MYOCD: variants seen among roughly 807,000 people sequenced by gnomAD.
The protein encoded by MYOCD is myocardin.
A neutral mutation model predicts 96.1 loss-of-function variants in MYOCD; 32 were observed. The ratio of observed to expected loss-of-function variants is 0.33; its 90% confidence interval spans 0.25 to 0.45. The LOEUF (loss-of-function observed/expected upper bound fraction) is 0.45, where lower values mean the gene tolerates loss of function less well. MYOCD is among the 20% of genes least tolerant of loss of function. MYOCD has a pLI of 1.00. For missense variants in MYOCD, 1,133 were observed against 1,200.6 expected (o/e 0.94, Z 0.83); for synonymous variants, 469 against 469.0 (o/e 1.00, Z 0.00).
At chr17:12,749,475 G>A (rs1464687420) in intron 9 of MYOCD, among the ~76,000 whole-genome samples, 1 of 151,490 alleles carries the variant, frequency 6.6e-6, no homozygotes, top group East Asian at 1.9e-4. Flanking sequence ...GTTGCAGTGA[G>A]CTGAGATCGC....
rs1286312247 is a variant in MYOCD at position 12,763,864 on chromosome 17, T to G, written c.*220T>G. 3 of 437,100 alleles carry G rather than the reference T, an allele frequency of 6.9e-6. No individual in the cohort carries two copies. Among genetic ancestry groups the G allele is most frequent in the East Asian group, 7.3e-5 (2 of 27,368 alleles). 27.1% of individuals were successfully genotyped at this position (437,100 alleles called of 1,614,324 possible). ...AACTGTTAATGATTTCAACAATGCATTAAAAGAATGTGCTTTCTCAGATTA... is the reference window on the plus strand; with the variant it reads ...AACTGTTAATGATTTCAACAATGCAGTAAAAGAATGTGCTTTCTCAGATTA... On this transcript the variant is annotated 3_prime_UTR_variant, in exon 14 of 14. Coordinates refer to ENST00000425538, the MANE Select transcript of MYOCD (RefSeq NM_001146312.3).
At position 12,763,912 on chromosome 17, in the gene MYOCD, A is replaced by C; in HGVS notation, c.*268A>C. 3.0e-6 allele frequency: 1 copy of C among 328,670 alleles called. No individual in the cohort carries two copies. The highest frequency in any genetic ancestry group is 5.5e-6 in the Non-Finnish European group (1 of 182,226). 20.4% of individuals were successfully genotyped at this position (328,670 alleles called of 1,614,324 possible). ...TTAAGGATGCCAAAAAAGATATTTC[A>C]CTGCCTTTTCAAAGACCAGTATATT... On this transcript the variant is annotated 3_prime_UTR_variant, in exon 14 of 14. Transcript: ENST00000425538.
At position 12,666,008 on chromosome 17, in the gene MYOCD, G is replaced by T; in HGVS notation, c.-181G>T. ...AGAGTTAATTAGCCCCGCACGGCGA[G>T]GGGGGAGGCGCCAGTTTTCTGGGGA... On this transcript the variant is annotated 5_prime_UTR_variant, in exon 1 of 14. It adds an upstream start codon to the 5' untranslated region. Coordinates refer to ENST00000425538, the MANE Select transcript of MYOCD (RefSeq NM_001146312.3). 3.6e-6 allele frequency: 2 copies of T among 550,286 alleles called. No homozygotes were observed. Among genetic ancestry groups the T allele is most frequent in the South Asian group, 2.4e-5 (1 of 41,036 alleles). The allele number at this position is 550,286 out of a possible 1,614,324, so 34.1% of individuals were successfully genotyped here. A position where few individuals can be genotyped will look rare whatever the true frequency, so the allele number is the denominator to read the frequency against.
At chr17:12,698,964 G>A (rs1453829440) in intron 1 of MYOCD, among the ~76,000 whole-genome samples, 1 of 151,518 alleles carries the variant, frequency 6.6e-6, no homozygotes, top group Admixed American at 6.6e-5. Flanking sequence ...GGATGGTCTC[G>A]ATCTCCTGAC....
chr17:12,732,268 G>C (rs1179349388), intron 5 of MYOCD, among the ~76,000 whole-genome samples: 2 of 152,058 alleles, frequency 1.3e-5, no homozygotes, highest in Admixed American at 1.3e-4. Context: ...CTCTCCCCTG[G>C]CTGAAAGCAC....
chr17:12,748,929 C>T (rs1217175870), intron 9 of MYOCD, among the ~76,000 whole-genome samples: 1 of 152,022 alleles, frequency 6.6e-6, no homozygotes, highest in Non-Finnish European at 1.5e-5. Flanking sequence ...CATATATTGA[C>T]TGTTGAAATA....
intron 6 of MYOCD, among the ~76,000 whole-genome samples, chr17:12,738,538 C>T (rs1216543497): frequency 1.3e-5 from 2 of 152,060 alleles, no homozygotes; most frequent in South Asian, 2.1e-4. Flanking sequence ...CATGTGCACA[C>T]ACACACACGT....
chr17:12,736,059 G>T, intron 5 of MYOCD, 102 bp from the exon 6 acceptor site: 1 of 903,424 alleles, frequency 1.1e-6, no homozygotes, highest in Non-Finnish European at 1.7e-6. Context: ...ACTGGAGAGA[G>T]AGAGGTGTAT....
intron 1 of MYOCD, among the ~76,000 whole-genome samples, chr17:12,688,457 C>T (rs999981391): frequency 1.3e-5 from 2 of 151,354 alleles, no homozygotes; most frequent in African/African-American, 4.9e-5. Context: ...CATCTCCTTC[C>T]TTCCTTCCTT....
intron 5 of MYOCD, among the ~76,000 whole-genome samples, chr17:12,727,490 T>G (rs2032032870): frequency 6.6e-6 from 1 of 152,188 alleles, no homozygotes; most frequent in East Asian, 1.9e-4. Context: ...TGATCATATC[T>G]TCTCCCTTGG....
Position 12,758,931 on chromosome 17 carries a change from C to T in MYOCD, c.2331+718C>T, listed in dbSNP as rs543384828. On this transcript the variant is annotated intron_variant, in intron 12 of 13. Coordinates refer to ENST00000425538, the MANE Select transcript of MYOCD (RefSeq NM_001146312.3). ...GGGTGTGGTGGTGTGTGCCTGTAAT[C>T]CCAGCTACTCTGGAGGCTGAGGCAG... Among the ~76,000 whole-genome samples the T allele has an allele frequency of 2.6e-5, 4 of 152,112 alleles. No homozygotes were observed. The South Asian group carries it at 6.2e-4, about 24-fold the overall frequency.
chr17:12,740,902 C>G (rs956315716), intron 7 of MYOCD, among the ~76,000 whole-genome samples: 2 of 152,110 alleles, frequency 1.3e-5, no homozygotes, highest in Non-Finnish European at 2.9e-5. Flanking sequence ...CCATGCCTGG[C>G]AAATTTTGTA....
chr17:12,758,548 C>T (rs891733661), intron 12 of MYOCD, among the ~76,000 whole-genome samples: 2 of 152,188 alleles, frequency 1.3e-5, no homozygotes, highest in Non-Finnish European at 2.9e-5. Flanking sequence ...CTCGCACTTA[C>T]CACATTGTTC....
chr17:12,752,199 T>C (rs951481976), intron 9 of MYOCD, among the ~76,000 whole-genome samples: 2 of 152,186 alleles, frequency 1.3e-5, no homozygotes, highest in African/African-American at 4.8e-5. Flanking sequence ...TCTAAGGCCA[T>C]GAAAACACCG....
intron 11 of MYOCD, among the ~76,000 whole-genome samples, chr17:12,757,809 G>A (rs2033054902): frequency 6.6e-6 from 1 of 151,836 alleles, no homozygotes; most frequent in Non-Finnish European, 1.5e-5. Context: ...TGTTTGTATT[G>A]AATTGGACTG....
rs2032107399 is a variant in MYOCD at position 12,729,621 on chromosome 17, A to T, written c.416-6540A>T. On this transcript the variant is annotated intron_variant, in intron 5 of 13. Coordinates refer to ENST00000425538, the MANE Select transcript of MYOCD (RefSeq NM_001146312.3). ...GATGGAGTTTTTGCTCTTGTCGCCC[A>T]GGCTGGAGTGCAATGGCGCGATCTC... 2.6e-5 allele frequency among the ~76,000 whole-genome samples: 4 copies of T among 151,976 alleles called. No homozygotes were observed. The South Asian group carries it at 8.3e-4, about 32-fold the overall frequency.
chr17:12,733,184 C>T (rs1168740601), intron 5 of MYOCD, among the ~76,000 whole-genome samples: 2 of 151,882 alleles, frequency 1.3e-5, no homozygotes, highest in Non-Finnish European at 2.9e-5. Context: ...GTGGCAGGTG[C>T]CTGTAGGACC....
intron 8 of MYOCD, among the ~76,000 whole-genome samples, chr17:12,744,728 G>A (rs568796155): frequency 2.0e-5 from 3 of 152,204 alleles, no homozygotes; most frequent in South Asian, 4.1e-4. Flanking sequence ...TTTTTCTTAG[G>A]CATATATACC....
intron 1 of MYOCD, among the ~76,000 whole-genome samples, chr17:12,666,697 G>A (rs1282690288): frequency 1.3e-5 from 2 of 152,090 alleles, no homozygotes; most frequent in African/African-American, 2.4e-5. Context: ...AAAGTCACTT[G>A]GGGGAAGTAA....
Sources: allele counts gnomAD v4.1 joint callset (sites outside exome capture counted in the v4.1 genomes callset), GRCh38; gene constraint gnomAD v4.1.1; transcripts MANE v1.5; gene names NCBI Gene and HGNC (gene_info 2026-07-23, HGNC 2026-07-21).